PRKN: variants seen among roughly 807,000 people sequenced by gnomAD.
The protein encoded by PRKN is parkin RBR E3 ubiquitin protein ligase.
In PRKN, 56 loss-of-function variants were observed where a neutral mutation model predicts 59.5. The ratio of observed to expected loss-of-function variants is 0.94; its 90% CI spans 0.76 to 1.18. The LOEUF is 1.18. Ranked by LOEUF, PRKN falls within the 50% of genes most tolerant of loss-of-function variation. PRKN has a pLI of 0.00. For synonymous variants in PRKN, 250 were observed against 222.1 expected, an observed-to-expected ratio of 1.13 and a Z score of -1.12; for missense variants, 657 against 596.4, an observed-to-expected ratio of 1.10 and a Z score of -1.06.
chr6:162,662,531 C>T (rs957348002), intron 1 of PRKN, among the ~76,000 whole-genome samples: 20 of 152,140 alleles, frequency 1.3e-4, no homozygotes, highest in African/African-American at 4.8e-4. Context: ...CCCAGTTTTT[C>T]TTATAGGATT....
At chr6:162,437,101 A>AAAAAT (rs1554323733) in intron 2 of PRKN, among the ~76,000 whole-genome samples, 172 of 135,288 alleles carry the variant, frequency 1.3e-3, no homozygotes, top group East Asian at 0.011. Context: ...CAAAAAAAAT[A>AAAAAT]AATAAATAAA....
chr6:162,459,674 G>T (rs1308833414), intron 1 of PRKN, among the ~76,000 whole-genome samples: 1 of 152,130 alleles, frequency 6.6e-6, no homozygotes, highest in African/African-American at 2.4e-5. Flanking sequence ...TTACAGAGTT[G>T]TTATAAGTAT....
chr6:162,355,209 A>G (rs938276419), intron 2 of PRKN, among the ~76,000 whole-genome samples: 20 of 151,604 alleles, frequency 1.3e-4, no homozygotes, highest in Admixed American at 7.9e-4. Flanking sequence ...ATTTAATTAT[A>G]GGTGTTTGAA....
intron 1 of PRKN, among the ~76,000 whole-genome samples, chr6:162,534,583 T>C (rs1377430396): frequency 1.3e-5 from 2 of 152,196 alleles, no homozygotes; most frequent in Non-Finnish European, 2.9e-5. Flanking sequence ...TGAATATATT[T>C]TAAAACTTCA....
At chr6:162,373,250 CTT>C (rs1785868202) in intron 2 of PRKN, among the ~76,000 whole-genome samples, 1 of 152,102 alleles carries the variant, frequency 6.6e-6, no homozygotes, top group African/African-American at 2.4e-5. Flanking sequence ...TTTAAGTTTT[CTT>C]TTGAGAAAAA....
At chr6:161,435,784 TC>T (rs1265915754) in intron 9 of PRKN, among the ~76,000 whole-genome samples, 1 of 147,644 alleles carries the variant, frequency 6.8e-6, no homozygotes, top group Non-Finnish European at 1.5e-5. Context: ...GATTTTTTTT[TC>T]CCTAAATAAA....
At chr6:162,345,407 T>C (rs963960081) in intron 2 of PRKN, among the ~76,000 whole-genome samples, 2 of 152,186 alleles carry the variant, frequency 1.3e-5, no homozygotes, top group Non-Finnish European at 2.9e-5. Context: ...CAAGTAAAGA[T>C]AATGAGTCAA....
chr6:162,360,729 C>T (rs1158780865), intron 2 of PRKN, among the ~76,000 whole-genome samples: 2 of 152,148 alleles, frequency 1.3e-5, no homozygotes, highest in East Asian at 1.9e-4. Flanking sequence ...GTGAGGCTCT[C>T]GCTCCACCTT....
intron 1 of PRKN, among the ~76,000 whole-genome samples, chr6:162,555,111 G>T (rs995639117): frequency 6.6e-6 from 1 of 152,148 alleles, no homozygotes; most frequent in East Asian, 1.9e-4. Flanking sequence ...ATACCCCAAC[G>T]CAAACACATG....
intron 6 of PRKN, among the ~76,000 whole-genome samples, chr6:161,934,434 A>C: frequency 6.6e-6 from 1 of 152,190 alleles, no homozygotes; most frequent in East Asian, 1.9e-4. Flanking sequence ...TTTAGCAAAA[A>C]TTACTTAACT....
intron 1 of PRKN, among the ~76,000 whole-genome samples, chr6:162,470,759 A>C (rs1427490051): frequency 6.6e-6 from 1 of 151,892 alleles, no homozygotes; most frequent in Non-Finnish European, 1.5e-5. Context: ...TTTAAATTTT[A>C]TTTATTTGTT....
rs549048343 is a variant in PRKN, at chr6:161,441,646, T to TA, written c.1084-54770dup. On this transcript the variant is annotated intron_variant, in intron 9 of 11. Coordinates refer to ENST00000366898, the MANE Select transcript of PRKN (RefSeq NM_004562.3). ...GGCAACAGAGCAAGACTCTGTCTCT[T>TA]AAAAAAAAAAAAAAAAAAAAAAAAA... 7.8e-3 allele frequency among the ~76,000 whole-genome samples: 759 copies of TA among 97,488 alleles called. 3 individuals are homozygous for TA. The highest frequency in any genetic ancestry group is 0.014 in the Middle Eastern group (2 of 142). 64.0% of individuals were successfully genotyped at this position (97,488 alleles called of 152,430 possible).
intron 1 of PRKN, among the ~76,000 whole-genome samples, chr6:162,460,435 T>C (rs1791097697): frequency 6.6e-6 from 1 of 152,160 alleles, no homozygotes; most frequent in Non-Finnish European, 1.5e-5. Flanking sequence ...AAAATCAAAA[T>C]TGACTGTGGT....
intron 9 of PRKN, among the ~76,000 whole-genome samples, chr6:161,507,402 G>A (rs1441511503): frequency 6.6e-6 from 1 of 152,178 alleles, no homozygotes; most frequent in Non-Finnish European, 1.5e-5. Context: ...TTGACACAAT[G>A]ACTTGGGCAG....
intron 1 of PRKN, chr6:162,568,403 T>A (rs577648408): frequency 4.0e-6 from 2 of 502,602 alleles, no homozygotes; most frequent in East Asian, 3.7e-5. Context: ...GACCCAGAAG[T>A]CCTATAAGGT....
At chr6:162,623,559 G>A (rs1389599584) in intron 1 of PRKN, among the ~76,000 whole-genome samples, 1 of 152,124 alleles carries the variant, frequency 6.6e-6, no homozygotes, top group African/African-American at 2.4e-5. Flanking sequence ...ATTTTCCCAA[G>A]GAGAGTTCAC....
intron 1 of PRKN, among the ~76,000 whole-genome samples, chr6:162,588,078 T>A (rs983976552): frequency 1.3e-5 from 2 of 150,954 alleles, no homozygotes; most frequent in African/African-American, 4.9e-5. Context: ...TGGCACTATC[T>A]TGGCTCACTG....
At chr6:162,697,797 GAGTA>G (rs1778021342) in intron 1 of PRKN, among the ~76,000 whole-genome samples, 2 of 152,054 alleles carry the variant, frequency 1.3e-5, no homozygotes, top group South Asian at 4.1e-4. Context: ...TTTAGAGCAG[GAGTA>G]TTTATTAAAA....
chr6:161,684,792 GAAAA>G (rs71716386), intron 7 of PRKN, among the ~76,000 whole-genome samples: 2 of 136,350 alleles, frequency 1.5e-5, no homozygotes, highest in Non-Finnish European at 3.3e-5. Flanking sequence ...TTTTTAAAAG[GAAAA>G]AAAAAAAAAC....
Sources: gnomAD v4.1 joint callset for allele counts (sites outside exome capture counted in the v4.1 genomes callset) on GRCh38, gnomAD v4.1.1 for gene constraint, MANE v1.5 for transcripts, NCBI Gene and HGNC (gene_info 2026-07-23, HGNC 2026-07-21) for gene names.